SH3GL2: variants seen among roughly 807,000 people sequenced by gnomAD.
SH3GL2 encodes the protein endophilin-A1.
In SH3GL2, 24 loss-of-function variants were observed where a neutral mutation model predicts 46.0. The observed-to-expected ratio is 0.52, with a 90% confidence interval of 0.38 to 0.73. The LOEUF is 0.73. Among genes scored for constraint, SH3GL2 ranks in the 30% least tolerant of loss-of-function variants. SH3GL2 has a pLI of 0.00. For synonymous variants in SH3GL2, 196 were observed against 147.1 expected (o/e 1.33, Z -2.40); for missense variants, 413 against 424.2 (o/e 0.97, Z 0.23).
At chr9:17,692,616 G>C (rs10756900) in intron 1 of SH3GL2, among the ~76,000 whole-genome samples, 57,148 of 151,050 alleles carry the variant, frequency 0.38, 11,447 homozygotes, top group Admixed American at 0.54. Context: ...CCGACCTCTA[G>C]CCTGGGCAAC....
chr9:17,584,460 G>A (rs536043214), intron 1 of SH3GL2, among the ~76,000 whole-genome samples: 60 of 152,226 alleles, frequency 3.9e-4, no homozygotes, highest in Non-Finnish European at 6.0e-4. Context: ...TCAAGATGGT[G>A]CCACTGCACT....
chr9:17,689,760 T>A (rs1821024022), intron 1 of SH3GL2, among the ~76,000 whole-genome samples: 1 of 152,144 alleles, frequency 6.6e-6, no homozygotes, highest in Admixed American at 6.6e-5. Context: ...TAGAAAAGCC[T>A]CTTCTGACCT....
At chr9:17,616,696 G>A (rs148129024) in intron 1 of SH3GL2, among the ~76,000 whole-genome samples, 20 of 152,040 alleles carry the variant, frequency 1.3e-4, no homozygotes, top group East Asian at 9.7e-4. Context: ...AAATCAAGAA[G>A]GTGTCAACCT....
chr9:17,615,749 A>G (rs1260176989), intron 1 of SH3GL2, among the ~76,000 whole-genome samples: 2 of 151,692 alleles, frequency 1.3e-5, no homozygotes, highest in East Asian at 3.9e-4. Flanking sequence ...AAAAACCCAC[A>G]CTACTTAATT....
chr9:17,771,895 G>A (rs1356719199), intron 3 of SH3GL2, among the ~76,000 whole-genome samples: 2 of 123,068 alleles, frequency 1.6e-5, no homozygotes, highest in Non-Finnish European at 3.7e-5. Context: ...ATTTGTGTAA[G>A]TCAGTAGGCA....
intron 1 of SH3GL2, among the ~76,000 whole-genome samples, chr9:17,693,997 T>C: frequency 6.6e-6 from 1 of 152,208 alleles, no homozygotes; most frequent in East Asian, 1.9e-4. Context: ...ATTTTCCTAC[T>C]TTCTTCCATG....
At chr9:17,736,028 T>C (rs544113721) in intron 1 of SH3GL2, among the ~76,000 whole-genome samples, 3 of 152,158 alleles carry the variant, frequency 2.0e-5, no homozygotes, top group South Asian at 4.1e-4. Flanking sequence ...TTGGGGTATC[T>C]CCAGGAAGTC....
At chr9:17,646,091 A>G (rs1291847925) in intron 1 of SH3GL2, among the ~76,000 whole-genome samples, 1 of 150,752 alleles carries the variant, frequency 6.6e-6, no homozygotes, top group Non-Finnish European at 1.5e-5. Flanking sequence ...TTTTTTCTCT[A>G]TTCTTGTCTT....
Position 17,631,402 on chromosome 9 carries a change from G to A in SH3GL2, c.45+52115G>A, listed in dbSNP as rs3824386. 2.8e-3 allele frequency among the ~76,000 whole-genome samples: 428 copies of A among 152,300 alleles called. 5 individuals are homozygous for A. In the East Asian group the frequency reaches 0.05, roughly 18 times the overall value. Reference sequence around the variant, plus strand: ...CATAGGGCATATTTGGTGAACCTTGGCCATTCTGACAACTGTTCTGGCAGC... The same window carrying A: ...CATAGGGCATATTTGGTGAACCTTGACCATTCTGACAACTGTTCTGGCAGC... On this transcript the variant is annotated intron_variant, in intron 1 of 8. Coordinates refer to ENST00000380607, the MANE Select transcript of SH3GL2 (RefSeq NM_003026.5).
chr9:17,725,269 G>T (rs187391686), intron 1 of SH3GL2, among the ~76,000 whole-genome samples: 1 of 152,068 alleles, frequency 6.6e-6, no homozygotes, highest in African/African-American at 2.4e-5. Context: ...CTCCTGAGTA[G>T]AAATAAAAGA....
At chr9:17,688,588 G>A (rs1262699097) in intron 1 of SH3GL2, among the ~76,000 whole-genome samples, 1 of 151,948 alleles carries the variant, frequency 6.6e-6, no homozygotes, top group Non-Finnish European at 1.5e-5. Context: ...TTCTAGTATG[G>A]GGGCAGGAAG....
At chr9:17,755,920 AG>A in intron 2 of SH3GL2, 1 of 215,286 alleles carries the variant, frequency 4.6e-6, no homozygotes, top group Non-Finnish European at 8.0e-6. Context: ...CTAAAGACTG[AG>A]ACAGCTGGTG....
intron 1 of SH3GL2, among the ~76,000 whole-genome samples, chr9:17,723,522 T>G (rs1352804733): frequency 6.6e-6 from 1 of 152,158 alleles, no homozygotes; most frequent in Non-Finnish European, 1.5e-5. Flanking sequence ...AATAATTTGT[T>G]GAGATGAAAT....
chr9:17,697,666 A>G (rs1004476419), intron 1 of SH3GL2, among the ~76,000 whole-genome samples: 12 of 152,178 alleles, frequency 7.9e-5, no homozygotes, highest in Non-Finnish European at 1.6e-4. Flanking sequence ...GACATCCACT[A>G]GTACATAACT....
At chr9:17,579,780 G>C (rs1357597993) in intron 1 of SH3GL2, among the ~76,000 whole-genome samples, 2 of 152,178 alleles carry the variant, frequency 1.3e-5, no homozygotes, top group Non-Finnish European at 2.9e-5. Flanking sequence ...TTACCCTGTT[G>C]TCAGAACCCT....
At chr9:17,616,807 T>C (rs1283253371) in intron 1 of SH3GL2, among the ~76,000 whole-genome samples, 1 of 152,188 alleles carries the variant, frequency 6.6e-6, no homozygotes, top group South Asian at 2.1e-4. Context: ...TTTTATACCA[T>C]ACAGACTAAT....
intron 3 of SH3GL2, among the ~76,000 whole-genome samples, chr9:17,762,207 G>A (rs117602614): frequency 0.011 from 1,621 of 152,180 alleles, 17 homozygotes; most frequent in Middle Eastern, 0.027. Flanking sequence ...CACAGGGCAC[G>A]GAAACGGGAA....
At chr9:17,704,673 G>A (rs569228840) in intron 1 of SH3GL2, among the ~76,000 whole-genome samples, 6 of 151,994 alleles carry the variant, frequency 3.9e-5, no homozygotes, top group Non-Finnish European at 8.8e-5. Flanking sequence ...ACAAAAAGAA[G>A]CAATGGGGGA....
intron 1 of SH3GL2, among the ~76,000 whole-genome samples, chr9:17,733,757 C>T (rs150752550): frequency 0.016 from 2,450 of 152,054 alleles, 29 homozygotes; most frequent in South Asian, 0.034. Context: ...TAAGAAAATG[C>T]GGCACATATA....
Sources: allele counts gnomAD v4.1 joint callset (sites outside exome capture counted in the v4.1 genomes callset), GRCh38; gene constraint gnomAD v4.1.1; transcripts MANE v1.5; gene names NCBI Gene and HGNC (gene_info 2026-07-23, HGNC 2026-07-21).